FOXP1: variants seen among roughly 807,000 people sequenced by gnomAD.
FOXP1 encodes the protein forkhead box protein P1.
A neutral mutation model predicts 98.2 loss-of-function variants in FOXP1; 15 were observed. The observed-to-expected ratio is 0.15, with a 90% CI of 0.10 to 0.24. FOXP1 has a LOEUF of 0.24. Ranked by LOEUF, FOXP1 falls within the 10% of genes least tolerant of loss-of-function variation. FOXP1 has a pLI of 1.00. For missense variants in FOXP1, 633 were observed against 848.5 expected, an observed-to-expected ratio of 0.75 and a Z score of 3.15; for synonymous variants, 371 against 314.5, an observed-to-expected ratio of 1.18 and a Z score of -1.90.
At chr3:71,011,030 C>G (rs2043533937) in intron 12 of FOXP1, among the ~76,000 whole-genome samples, 1 of 152,090 alleles carries the variant, frequency 6.6e-6, no homozygotes, top group South Asian at 2.1e-4. Flanking sequence ...TTCCACTGCA[C>G]TAGGCAAGAT....
chr3:71,474,859 T>G (rs989455860), intron 3 of FOXP1, among the ~76,000 whole-genome samples: 1 of 152,126 alleles, frequency 6.6e-6, no homozygotes, highest in African/African-American at 2.4e-5. Flanking sequence ...GCTTGAATCA[T>G]CCTGAAACCA....
intron 2 of FOXP1, among the ~76,000 whole-genome samples, chr3:71,514,186 C>T (rs1214577110): frequency 6.6e-6 from 1 of 152,188 alleles, no homozygotes; most frequent in Non-Finnish European, 1.5e-5. Flanking sequence ...CTCCTGACTG[C>T]CCTTTGATTA....
intron 6 of FOXP1, among the ~76,000 whole-genome samples, chr3:71,115,969 T>C (rs1476098234): frequency 6.6e-6 from 1 of 152,034 alleles, no homozygotes; most frequent in African/African-American, 2.4e-5. Context: ...ACTCCTGACC[T>C]CAGTGATCTG....
intron 5 of FOXP1, among the ~76,000 whole-genome samples, chr3:71,250,182 T>C (rs1335153788): frequency 1.3e-5 from 2 of 152,206 alleles, no homozygotes; most frequent in East Asian, 3.9e-4. Flanking sequence ...TAGATGCTAG[T>C]AGCACATGCC....
intron 2 of FOXP1, among the ~76,000 whole-genome samples, chr3:71,550,491 G>T (rs1205414282): frequency 6.6e-6 from 1 of 152,106 alleles, no homozygotes; most frequent in Admixed American, 6.6e-5. Context: ...TACTGCCACA[G>T]AAGTTTTATT....
At chr3:71,032,642 C>G (rs1248634848) in intron 11 of FOXP1, among the ~76,000 whole-genome samples, 1 of 152,164 alleles carries the variant, frequency 6.6e-6, no homozygotes, top group Non-Finnish European at 1.5e-5. Context: ...AGGTAGCTCC[C>G]TCGGAAAGAC....
At chr3:71,415,702 C>CTTT (rs55984368) in intron 3 of FOXP1, among the ~76,000 whole-genome samples, 9 of 140,918 alleles carry the variant, frequency 6.4e-5, no homozygotes, top group East Asian at 2.1e-4. Flanking sequence ...ATTAGTTGCT[C>CTTT]TTTTTTTTTT....
At chr3:71,206,147 A>C (rs918958769) in intron 5 of FOXP1, among the ~76,000 whole-genome samples, 1 of 152,210 alleles carries the variant, frequency 6.6e-6, no homozygotes, top group Non-Finnish European at 1.5e-5. Flanking sequence ...CATAATTACT[A>C]AATGTTTGAC....
At chr3:71,298,963 A>C (rs2073607722) in intron 5 of FOXP1, among the ~76,000 whole-genome samples, 2 of 152,212 alleles carry the variant, frequency 1.3e-5, no homozygotes, top group African/African-American at 4.8e-5. Flanking sequence ...AAATCTACTA[A>C]ATCAAATGGA....
At chr3:71,350,662 C>A (rs570253934) in intron 4 of FOXP1, among the ~76,000 whole-genome samples, 162 of 152,264 alleles carry the variant, frequency 1.1e-3, no homozygotes, top group Non-Finnish European at 2.0e-3. Flanking sequence ...AGATGTCAAG[C>A]ATTAGGCAGA....
rs1440752852 is a variant in FOXP1 at position 71,053,737 on chromosome 3, T to A, written c.319A>T (p.Ile107Phe). Reference protein sequence around the residue: ...VSVAMMTPQVITPQQMQQILQ... With the variant: ...VSVAMMTPQVFTPQQMQQILQ... Reference sequence around the variant, plus strand: ...ATCTGCTGCATTTGCTGGGGAGTGATAACTTGAGGTGTCATCATAGCCACT... The same window carrying A: ...ATCTGCTGCATTTGCTGGGGAGTGAAAACTTGAGGTGTCATCATAGCCACT... The change falls in exon 8 of 21, where the codon ATC becomes TTC. Residue 107 changes from isoleucine (I) to phenylalanine (F), a missense_variant. Transcript: ENST00000649528. The A allele has an allele frequency of 1.9e-6, 3 of 1,613,898 alleles. No homozygotes were observed. Among genetic ancestry groups the A allele is most frequent in the African/African-American group, 1.3e-5 (1 of 74,874 alleles).
chr3:71,006,360 A>T (rs1158667620), intron 12 of FOXP1, among the ~76,000 whole-genome samples: 1 of 152,138 alleles, frequency 6.6e-6, no homozygotes, highest in Non-Finnish European at 1.5e-5. Flanking sequence ...CTCATCTTTC[A>T]TCCTGGCTAA....
At chr3:71,447,695 G>A (rs2086579010) in intron 3 of FOXP1, among the ~76,000 whole-genome samples, 1 of 152,220 alleles carries the variant, frequency 6.6e-6, no homozygotes, top group African/African-American at 2.4e-5. Flanking sequence ...GACACAGGTT[G>A]CAACAGATAG....
intron 6 of FOXP1, among the ~76,000 whole-genome samples, chr3:71,168,408 A>C (rs1320447052): frequency 6.6e-6 from 1 of 152,218 alleles, no homozygotes; most frequent in Non-Finnish European, 1.5e-5. Flanking sequence ...GGAAAGAAAA[A>C]TTCAACTGGA....
At chr3:70,991,085 G>A (rs1022118722) in intron 13 of FOXP1, among the ~76,000 whole-genome samples, 2 of 148,464 alleles carry the variant, frequency 1.3e-5, no homozygotes, top group Middle Eastern at 3.5e-3. Context: ...AAGTGAAATC[G>A]GTCCAGTGTA....
At chr3:71,400,734 G>A (rs578127384) in intron 3 of FOXP1, among the ~76,000 whole-genome samples, 189 of 152,270 alleles carry the variant, frequency 1.2e-3, no homozygotes, top group Middle Eastern at 6.8e-3. Flanking sequence ...TGCTTGGGAA[G>A]TAAAAGAAGC....
intron 5 of FOXP1, among the ~76,000 whole-genome samples, chr3:71,297,070 C>G (rs1481806930): frequency 2.0e-5 from 3 of 151,946 alleles, no homozygotes; most frequent in Non-Finnish European, 4.4e-5. Flanking sequence ...TATAGCAACA[C>G]CAAACAGACG....
rs549069737 is a variant in FOXP1, at chr3:70,981,134, G to A, written c.1147-3105C>T. On this transcript the variant is annotated intron_variant, in intron 14 of 20. Coordinates refer to ENST00000649528, the MANE Select transcript of FOXP1 (RefSeq NM_001349338.3). ...CACAGTAAAATGTCATCAAAATGCC[G>A]AAAGGATGTGAGCCTTGTAGCTATT... Among the ~76,000 whole-genome samples, 331 of 123,208 alleles carry A rather than the reference G, an allele frequency of 2.7e-3. 1 individual carries two copies. The highest frequency in any genetic ancestry group is 0.023 in the Middle Eastern group (3 of 128). The allele number at this position is 123,208 out of a possible 152,430, so 80.8% of individuals were successfully genotyped here. A position where few individuals can be genotyped will look rare whatever the true frequency, so the allele number is the denominator to read the frequency against.
At chr3:71,117,401 T>C (rs1389149908) in intron 6 of FOXP1, among the ~76,000 whole-genome samples, 1 of 152,202 alleles carries the variant, frequency 6.6e-6, no homozygotes, top group Non-Finnish European at 1.5e-5. Flanking sequence ...ATTATTCCAA[T>C]ACAACTGAGG....
Sources: allele counts gnomAD v4.1 joint callset (sites outside exome capture counted in the v4.1 genomes callset), GRCh38; gene constraint gnomAD v4.1.1; transcripts MANE v1.5; gene names NCBI Gene and HGNC (gene_info 2026-07-23, HGNC 2026-07-21).